TAFA2: variants seen among roughly 807,000 people sequenced by gnomAD.
The protein encoded by TAFA2 is TAFA chemokine like family member 2.
A neutral mutation model predicts 18.8 loss-of-function variants in TAFA2; 7 were observed. That is an observed-to-expected ratio of 0.37 (90% CI 0.21 to 0.70). The LOEUF is 0.70. Ranked by LOEUF, TAFA2 falls within the 30% of genes least tolerant of loss-of-function variation. The probability of loss-of-function intolerance (pLI) is 0.53; values close to 1 mark genes in which losing one functional copy is unlikely to be tolerated. For missense variants in TAFA2, 122 were observed against 158.1 expected, an observed-to-expected ratio of 0.77 and a Z score of 1.23; for synonymous variants, 60 against 54.2, an observed-to-expected ratio of 1.11 and a Z score of -0.47.
chr12:62,250,549 T>C (rs1195074593), intron 1 of TAFA2, among the ~76,000 whole-genome samples: 1 of 152,136 alleles, frequency 6.6e-6, no homozygotes, highest in African/African-American at 2.4e-5. Context: ...TTCATTGTAA[T>C]TTCTGAATCT....
intron 1 of TAFA2, among the ~76,000 whole-genome samples, chr12:62,064,691 T>G (rs1882440707): frequency 6.6e-6 from 1 of 152,118 alleles, no homozygotes; most frequent in African/African-American, 2.4e-5. Context: ...ATATGTAATT[T>G]TTAAGTAACT....
intron 1 of TAFA2, among the ~76,000 whole-genome samples, chr12:62,123,192 C>A (rs1198931602): frequency 6.6e-6 from 1 of 152,160 alleles, no homozygotes; most frequent in Non-Finnish European, 1.5e-5. Flanking sequence ...TTCCCTCTCT[C>A]AACTGCATAC....
intron 1 of TAFA2, among the ~76,000 whole-genome samples, chr12:61,981,523 A>C (rs1879636029): frequency 6.6e-6 from 1 of 152,238 alleles, no homozygotes; most frequent in Admixed American, 6.5e-5. Context: ...TGAACAGGGA[A>C]CCAACAGAAT....
chr12:61,786,264 C>A (rs932019037), intron 2 of TAFA2, among the ~76,000 whole-genome samples: 8 of 151,518 alleles, frequency 5.3e-5, no homozygotes, highest in African/African-American at 1.9e-4. Context: ...ATAATTAGTT[C>A]TTGACTAAAT....
chr12:62,197,619 G>A (rs1413041843), upstream of TAFA2, among the ~76,000 whole-genome samples: 1 of 151,984 alleles, frequency 6.6e-6, no homozygotes, highest in East Asian at 1.9e-4. Context: ...TCTTCTTCCA[G>A]TCCTGTCTCT....
At chr12:62,232,365 GA>G (rs1056210962) in intron 1 of TAFA2, among the ~76,000 whole-genome samples, 1 of 152,104 alleles carries the variant, frequency 6.6e-6, no homozygotes, top group Non-Finnish European at 1.5e-5. Context: ...TGCAGCCAAA[GA>G]AAACACTTTC....
intron 1 of TAFA2, among the ~76,000 whole-genome samples, chr12:62,126,517 A>G (rs1434347572): frequency 6.6e-6 from 1 of 152,068 alleles, no homozygotes; most frequent in Non-Finnish European, 1.5e-5. Flanking sequence ...TTTCCAGGGT[A>G]AAGTTTGAGC....
intron 1 of TAFA2, among the ~76,000 whole-genome samples, chr12:62,123,498 C>G (rs1870304215): frequency 6.6e-6 from 1 of 151,522 alleles, no homozygotes; most frequent in African/African-American, 2.4e-5. Context: ...AAAGGGAGAA[C>G]AGGCTAACTG....
intron 2 of TAFA2, among the ~76,000 whole-genome samples, chr12:61,819,365 T>C (rs1313614796): frequency 1.3e-5 from 2 of 152,238 alleles, no homozygotes; most frequent in African/African-American, 4.8e-5. Context: ...TAGCATGCAC[T>C]GAATTTCTCA....
intron 1 of TAFA2, among the ~76,000 whole-genome samples, chr12:62,129,670 A>C (rs1463341876): frequency 2.0e-5 from 3 of 152,044 alleles, no homozygotes; most frequent in African/African-American, 7.2e-5. Context: ...TCTCAAATTC[A>C]GAACTACTGA....
chr12:62,150,888 CA>C (rs879493653), intron 1 of TAFA2, among the ~76,000 whole-genome samples: 80 of 109,316 alleles, frequency 7.3e-4, no homozygotes, highest in East Asian at 2.7e-3. Flanking sequence ...AGACCCTGTC[CA>C]AAAAAAAAAA....
At chr12:61,722,820 T>C (rs1367125147) in intron 4 of TAFA2, among the ~76,000 whole-genome samples, 1 of 152,150 alleles carries the variant, frequency 6.6e-6, no homozygotes, top group Non-Finnish European at 1.5e-5. Flanking sequence ...CCACCTGGTG[T>C]GTATAATTGC....
intron 1 of TAFA2, among the ~76,000 whole-genome samples, chr12:62,181,990 T>TCCCCC (rs71893210): frequency 5.1e-5 from 7 of 138,480 alleles, no homozygotes; most frequent in East Asian, 2.1e-4. Context: ...CTCAAGTCCA[T>TCCCCC]CCCCCCCCCG....
chr12:61,800,372 T>C (rs1871352909), intron 2 of TAFA2, among the ~76,000 whole-genome samples: 1 of 152,080 alleles, frequency 6.6e-6, no homozygotes, highest in African/African-American at 2.4e-5. Context: ...CTTGATGCAA[T>C]TTACATTTAT....
intron 1 of TAFA2, among the ~76,000 whole-genome samples, chr12:62,032,960 T>C (rs548454191): frequency 9.2e-5 from 14 of 152,308 alleles, no homozygotes; most frequent in African/African-American, 3.4e-4. Context: ...CCTCAGGGAA[T>C]TCCAAGAGTA....
intron 1 of TAFA2, among the ~76,000 whole-genome samples, chr12:61,985,015 G>A (rs1051715701): frequency 1.3e-5 from 2 of 152,310 alleles, no homozygotes; most frequent in Admixed American, 6.5e-5. Context: ...TACTGTCCTA[G>A]AATTTAATTG....
At chr12:61,895,347 A>T (rs1374076740) in intron 1 of TAFA2, among the ~76,000 whole-genome samples, 1 of 152,178 alleles carries the variant, frequency 6.6e-6, no homozygotes, top group South Asian at 2.1e-4. Flanking sequence ...GGTTTTTCTT[A>T]AAGAAAAACC....
chr12:61,910,106 G>GTGTGTGTGTGTGTGTT (rs1876543735), intron 1 of TAFA2, among the ~76,000 whole-genome samples: 1 of 10,790 alleles, frequency 9.3e-5, no homozygotes, highest in African/African-American at 5.0e-4. Flanking sequence ...GTGTTTGTGT[G>GTGTGTGTGTGTGTGTT]TGTGTGTGTG....
chr12:61,990,432 C>A (rs12831029), intron 1 of TAFA2, among the ~76,000 whole-genome samples: 1 of 148,232 alleles, frequency 6.7e-6, no homozygotes, highest in Non-Finnish European at 1.5e-5. Context: ...CTCTGCCTCC[C>A]GGGTTCACAC....
Sources: allele counts gnomAD v4.1 joint callset (sites outside exome capture counted in the v4.1 genomes callset), GRCh38; gene constraint gnomAD v4.1.1; transcripts MANE v1.5; gene names NCBI Gene and HGNC (gene_info 2026-07-23, HGNC 2026-07-21).